MAMDC2: variants seen among roughly 807,000 people sequenced by gnomAD.
The protein encoded by MAMDC2 is MAM domain-containing protein 2.
Under a neutral mutation model 89.8 loss-of-function variants are expected in MAMDC2, and 57 were observed. That is an observed-to-expected ratio of 0.63 (90% CI 0.51 to 0.79). MAMDC2 has a LOEUF of 0.79. MAMDC2 is among the 30% of genes least tolerant of loss of function. The pLI is 0.00. For missense variants in MAMDC2, 800 were observed against 820.6 expected, an observed-to-expected ratio of 0.97 and a Z score of 0.31; for synonymous variants, 313 against 293.4, an observed-to-expected ratio of 1.07 and a Z score of -0.68.
intron 2 of MAMDC2, among the ~76,000 whole-genome samples, chr9:70,094,423 T>C (rs1827977075): frequency 6.6e-6 from 1 of 152,218 alleles, no homozygotes; most frequent in Non-Finnish European, 1.5e-5. Context: ...AATTGTGCAT[T>C]TCAACAATCT....
At chr9:70,102,345 G>A (rs1300052759) in intron 2 of MAMDC2, among the ~76,000 whole-genome samples, 1 of 152,112 alleles carries the variant, frequency 6.6e-6, no homozygotes, top group East Asian at 1.9e-4. Context: ...CCTGAAGGAC[G>A]GGGCATTCGG....
intron 11 of MAMDC2, among the ~76,000 whole-genome samples, chr9:70,187,086 T>C (rs554097126): frequency 6.6e-6 from 1 of 152,226 alleles, no homozygotes; most frequent in South Asian, 2.1e-4. Flanking sequence ...GTTATTCTGC[T>C]TGGGTTTCAT....
intron 2 of MAMDC2, among the ~76,000 whole-genome samples, chr9:70,095,434 T>TA (rs1828005103): frequency 6.6e-6 from 1 of 152,188 alleles, no homozygotes; most frequent in Non-Finnish European, 1.5e-5. Context: ...AAGGAATGGT[T>TA]GACTTTGAGA....
intron 11 of MAMDC2, among the ~76,000 whole-genome samples, chr9:70,189,422 T>C (rs370474681): frequency 2.0e-5 from 3 of 152,180 alleles, no homozygotes; most frequent in Non-Finnish European, 4.4e-5. Flanking sequence ...TTCTCTTGTA[T>C]ATAATGAGTC....
At chr9:70,106,147 T>C (rs1196289317) in intron 2 of MAMDC2, 1 of 152,170 alleles carries the variant, frequency 6.6e-6, no homozygotes, top group Non-Finnish European at 1.5e-5. Context: ...TTGAACAAGA[T>C]ATCCAGGTGA....
intron 2 of MAMDC2, among the ~76,000 whole-genome samples, chr9:70,093,585 C>G (rs1827957222): frequency 6.6e-6 from 1 of 151,770 alleles, no homozygotes; most frequent in Non-Finnish European, 1.5e-5. Flanking sequence ...ACCACCATGC[C>G]CGGCTAATTT....
intron 2 of MAMDC2, among the ~76,000 whole-genome samples, chr9:70,072,092 A>G (rs1359711193): frequency 6.6e-6 from 1 of 152,206 alleles, no homozygotes; most frequent in Non-Finnish European, 1.5e-5. Context: ...TATCAATATG[A>G]CTGACAATAA....
intron 11 of MAMDC2, among the ~76,000 whole-genome samples, chr9:70,215,637 C>A (rs2033430101): frequency 6.6e-6 from 1 of 152,198 alleles, no homozygotes; most frequent in African/African-American, 2.4e-5. Flanking sequence ...CAGGAATCCC[C>A]AGCTAGTGGA....
intron 11 of MAMDC2, among the ~76,000 whole-genome samples, chr9:70,191,987 G>T (rs1260231836): frequency 2.6e-5 from 4 of 152,056 alleles, no homozygotes; most frequent in African/African-American, 9.7e-5. Context: ...TGCTTTGGTA[G>T]CCCTGAAATT....
At chr9:70,077,095 C>T (rs1827548645) in intron 2 of MAMDC2, among the ~76,000 whole-genome samples, 1 of 152,216 alleles carries the variant, frequency 6.6e-6, no homozygotes, top group Non-Finnish European at 1.5e-5. Flanking sequence ...ACCCTGTCAT[C>T]TTCCTGTGTT....
intron 9 of MAMDC2, among the ~76,000 whole-genome samples, chr9:70,144,858 A>G (rs1242615798): frequency 6.6e-6 from 1 of 152,234 alleles, no homozygotes; most frequent in Non-Finnish European, 1.5e-5. Flanking sequence ...GTGTCCATCT[A>G]TAACTTCCTG....
intron 12 of MAMDC2, among the ~76,000 whole-genome samples, chr9:70,219,229 G>A (rs1381367244): frequency 6.6e-6 from 1 of 152,216 alleles, no homozygotes; most frequent in African/African-American, 2.4e-5. Context: ...GGTAGGGGCT[G>A]AACAGCCAGT....
chr9:70,168,604 T>C, intron 9 of MAMDC2, 98 bp from the exon 10 acceptor site: 1 of 812,360 alleles, frequency 1.2e-6, no homozygotes, highest in Non-Finnish European at 2.1e-6. Context: ...GCTTGTAGTT[T>C]GCCTATGCTC....
intron 2 of MAMDC2, among the ~76,000 whole-genome samples, chr9:70,055,352 C>T (rs1827005168): frequency 1.3e-5 from 2 of 152,126 alleles, no homozygotes; most frequent in Admixed American, 1.3e-4. Context: ...AACTGTGAGA[C>T]ACAGAGAGAT....
intron 7 of MAMDC2, among the ~76,000 whole-genome samples, chr9:70,134,257 C>G (rs1249029854): frequency 6.6e-6 from 1 of 152,050 alleles, no homozygotes; most frequent in African/African-American, 2.4e-5. Flanking sequence ...AGGTACTCAA[C>G]AGCAATGTCA....
At chr9:70,225,603 A>G (rs2033627969) in intron 12 of MAMDC2, 147 bp from the exon 13 acceptor site, 1 of 515,788 alleles carries the variant, frequency 1.9e-6, no homozygotes, top group African/African-American at 2.0e-5. Flanking sequence ...TAATACCTAG[A>G]TTTCAATTTG....
At chr9:70,149,180 C>T (rs1319661535) in intron 9 of MAMDC2, among the ~76,000 whole-genome samples, 18 of 143,038 alleles carry the variant, frequency 1.3e-4, no homozygotes, top group Admixed American at 9.3e-4. Context: ...TGCACTCCAG[C>T]CTGGGTGACA....
intron 5 of MAMDC2, among the ~76,000 whole-genome samples, chr9:70,124,836 G>T (rs533070492): frequency 2.0e-5 from 3 of 152,252 alleles, no homozygotes; most frequent in South Asian, 2.1e-4. Context: ...CTCCCTAATA[G>T]CTAAGACCAG....
At chr9:70,082,859 T>C (rs1827684105) in intron 2 of MAMDC2, 1 of 152,140 alleles carries the variant, frequency 6.6e-6, no homozygotes, top group Non-Finnish European at 1.5e-5. Flanking sequence ...AAGGAGCAAC[T>C]TCCTCTATCT....
Sources: allele counts gnomAD v4.1 joint callset (sites outside exome capture counted in the v4.1 genomes callset), GRCh38; gene constraint gnomAD v4.1.1; transcripts MANE v1.5; gene names NCBI Gene and HGNC (gene_info 2026-07-23, HGNC 2026-07-21).